The following ASPG variants were observed in gnomAD, a reference collection of about 807,000 sequenced individuals.
The protein encoded by ASPG is 60 kDa lysophospholipase.
Under a neutral mutation model 63.2 loss-of-function variants are expected in ASPG, and 53 were observed. That is an observed-to-expected ratio of 0.84 (90% CI 0.67 to 1.05). ASPG has a LOEUF of 1.05. Among genes scored for constraint, ASPG ranks in the 50% least tolerant of loss-of-function variants. ASPG has a pLI of 0.00. For synonymous variants in ASPG, 370 were observed against 355.0 expected (o/e 1.04, Z -0.48); for missense variants, 741 against 794.4 (o/e 0.93, Z 0.81).
chr14:104,098,820 G>A (rs1380494533), intron 5 of ASPG, 33 bp from the exon 6 acceptor site: 9 of 1,605,504 alleles, frequency 5.6e-6, no homozygotes, highest in East Asian at 2.2e-5. Context: ...CAGGGTGGCC[G>A]CTGCTCTGAA....
chr14:104,104,835 C>A, intron 9 of ASPG, 100 bp downstream of exon 9: 2 of 1,030,762 alleles, frequency 1.9e-6, no homozygotes, highest in Non-Finnish European at 1.4e-6. Flanking sequence ...AGCCTGGGGG[C>A]CGGTCCAGGG....
chr14:104,086,287 C>G (rs1596056619), intron 1 of ASPG, among the ~76,000 whole-genome samples: 2 of 152,166 alleles, frequency 1.3e-5, no homozygotes, highest in South Asian at 4.1e-4. Flanking sequence ...AGGAGGGTGT[C>G]CCCGTCCCCT....
chr14:104,110,641 G>T lies in ASPG; in HGVS notation c.1521-861G>T. ...AGTGAGGCCATCCAGCAGATTCGCT[G>T]CAGAGATTACCCAGTGCCACTGCAG... On this transcript the variant is annotated intron_variant, in intron 13 of 15. Transcript: ENST00000551177. The surrounding 1 kb of genome is among the most constrained non-coding windows in gnomAD (Gnocchi z 4.7). The T allele has an allele frequency of 1.0e-6, 1 of 985,348 alleles. No homozygotes were observed. The highest frequency in any genetic ancestry group is 1.2e-6 in the Non-Finnish European group (1 of 829,894). The allele number at this position is 985,348 out of a possible 1,614,324, so 61.0% of individuals were successfully genotyped here.
chr14:104,090,773 A>G (rs138834891), intron 1 of ASPG, among the ~76,000 whole-genome samples: 4 of 152,224 alleles, frequency 2.6e-5, no homozygotes, highest in African/African-American at 9.6e-5. Flanking sequence ...CTCCCGCCCC[A>G]TGACCCCTAA....
intron 7 of ASPG, 66 bp downstream of exon 7, chr14:104,103,741 C>T: frequency 7.3e-7 from 1 of 1,379,080 alleles, no homozygotes. Flanking sequence ...GCTCCCACGG[C>T]CCTCAGGCTC....
intron 5 of ASPG, 82 bp from the exon 6 acceptor site, chr14:104,098,771 G>A (rs1332347575): frequency 3.8e-6 from 6 of 1,569,326 alleles, no homozygotes; most frequent in Non-Finnish European, 4.3e-6. Flanking sequence ...GCACCTCATT[G>A]ATGGCAGGGA....
At chr14:104,096,601 G>A (rs1233873585) in intron 4 of ASPG, among the ~76,000 whole-genome samples, 1 of 152,218 alleles carries the variant, frequency 6.6e-6, no homozygotes, top group Non-Finnish European at 1.5e-5. Context: ...AGCCCTGGGG[G>A]AGCAGAACAT....
rs2141056014 is a variant in ASPG at position 104,109,363 on chromosome 14, G to A, written c.1520+48G>A. 1 of 1,542,806 alleles carries A rather than the reference G, an allele frequency of 6.5e-7. No individual in the cohort carries two copies. The highest frequency in any genetic ancestry group is 1.4e-5 in the African/African-American group (1 of 73,880). ...CTCTTCCAGGGATGTGGGGGACACAGCTTGGGGAAGCGAAGCCAGACCTGC... is the reference window on the plus strand; with the variant it reads ...CTCTTCCAGGGATGTGGGGGACACAACTTGGGGAAGCGAAGCCAGACCTGC... On this transcript the variant is annotated intron_variant, in intron 13 of 15. Transcript: ENST00000551177. This position sits in a 1 kb window ranked among gnomAD's most constrained non-coding sequence, Gnocchi z 4.8.
At chr14:104,096,902 C>A (rs1374206593) in intron 4 of ASPG, among the ~76,000 whole-genome samples, 1 of 152,208 alleles carries the variant, frequency 6.6e-6, no homozygotes, top group African/African-American at 2.4e-5. Flanking sequence ...TCCTGAAAAC[C>A]CTGGCCTCTG....
Position 104,111,172 on chromosome 14 carries a change from C to CGT in ASPG, c.1521-320_1521-319dup, listed in dbSNP as rs564356572. ...GCTCATGTGTGTGTGCACATATGCT[C>CGT]GTGTGTGTGTGCATGTGTAGGTGTG... On this transcript the variant is annotated intron_variant, in intron 13 of 15. Transcript: ENST00000551177. 1.9e-4 allele frequency: 191 copies of CGT among 985,068 alleles called. 2 individuals are homozygous for CGT. In the South Asian group the frequency reaches 8.0e-3, roughly 41 times the overall value. The allele number at this position is 985,068 out of a possible 1,614,324, so 61.0% of individuals were successfully genotyped here. A position where few individuals can be genotyped will look rare whatever the true frequency, so the allele number is the denominator to read the frequency against.
intron 1 of ASPG, among the ~76,000 whole-genome samples, chr14:104,086,591 G>A (rs2036227398): frequency 6.6e-6 from 1 of 152,100 alleles, no homozygotes; most frequent in African/African-American, 2.4e-5. Flanking sequence ...GGGAGAGGAC[G>A]GTTGCACTGG....
rs747200962 is a variant in ASPG, at chr14:104,104,290, C to T, written c.754-14C>T. On this transcript the variant is annotated splice_polypyrimidine_tract_variant and intron_variant, in intron 7 of 15. Coordinates refer to ENST00000551177, the MANE Select transcript of ASPG (RefSeq NM_001080464.3). ...AGACCCTCACCATCCAGCCCCCACC[C>T]CACCGCCCCACAGGTTCGGGCCTTC... 2.3e-5 allele frequency: 37 copies of T among 1,606,014 alleles called. No homozygotes were observed. The highest frequency in any genetic ancestry group is 2.3e-5 in the Non-Finnish European group (27 of 1,175,698).
chr14:104,113,040 G>A lies in ASPG; in HGVS notation c.*496G>A. On this transcript the variant is annotated 3_prime_UTR_variant, in exon 16 of 16. Transcript: ENST00000551177. The stretch of plus-strand genomic sequence containing the variant: ...CCCCCAGGCAGCCCTCCAACCCCTG[G>A]ATGAGCATGCTGCCCCTGCTTAACT... The A allele has an allele frequency of 4.6e-6, 1 of 217,250 alleles. No homozygotes were observed. The highest frequency in any genetic ancestry group is 5.3e-5 in the Admixed American group (1 of 18,894). 13.5% of individuals were successfully genotyped at this position (217,250 alleles called of 1,614,324 possible). A position where few individuals can be genotyped will look rare whatever the true frequency, so the allele number is the denominator to read the frequency against.
chr14:104,098,960 A>G lies in ASPG; in HGVS notation c.621A>G (p.Thr207=), dbSNP rs773233483. The change falls in exon 6 of 16, where the codon ACA becomes ACG. Residue 207 remains threonine (T), a synonymous_variant. Transcript: ENST00000551177. ...CCCCGAACCTGCTGCCTCTGGCCAC[A>G]GTGGGTGCTGACATCACAAGTAAGC... ...FCSPNLLPLA[T]VGADITINRE... is the part of the protein sequence containing the mutation. The G allele has an allele frequency of 2.5e-6, 4 of 1,598,672 alleles. No homozygotes were observed. The highest frequency in any genetic ancestry group is 3.4e-6 in the Non-Finnish European group (4 of 1,173,608).
Position 104,104,704 on chromosome 14 carries a change from A to G in ASPG, c.1019A>G (p.Gln340Arg). Residue 340 changes from glutamine to arginine, a missense_variant, in exon 9 of 16, where the codon CAG (glutamine) becomes CGG (arginine). Physicochemically the swap from Gln to Arg is conservative, Grantham distance 43. Transcript: ENST00000551177. ...ALAKLSYVLG[Q>R]PGLSLDVRKE... ...GCCAAGCTATCGTATGTGCTGGGCC[A>G]GCCAGGGCTGAGCCTGGATGTCAGG... The G allele has an allele frequency of 6.2e-7, 1 of 1,607,434 alleles. No homozygotes were observed. Among genetic ancestry groups the G allele is most frequent in the Non-Finnish European group, 8.5e-7 (1 of 1,176,226 alleles).
intron 9 of ASPG, 96 bp downstream of exon 9, chr14:104,104,831 G>C: frequency 9.3e-7 from 1 of 1,074,180 alleles, no homozygotes; most frequent in Non-Finnish European, 1.3e-6. Context: ...GAAGAGCCTG[G>C]GGGCCGGTCC....
chr14:104,105,037 C>T (rs2037061000), intron 9 of ASPG: 1 of 581,780 alleles, frequency 1.7e-6, no homozygotes, highest in Admixed American at 3.2e-5. Flanking sequence ...CTCCACTCTT[C>T]CTCGAGGGTG....
Position 104,104,307 on chromosome 14 carries a change from C to G in ASPG, c.757C>G (p.Arg253Gly), listed in dbSNP as rs776054502. ...CCCCCACCCCACCGCCCCACAGGTT[C>G]GGGCCTTCTTGCAGCCTCCCCTGAA... ...LYPGIPAALV[R>G]AFLQPPLKGV... Residue 253 changes from arginine to glycine, a missense_variant, in exon 8 of 16, where the codon CGG becomes GGG. Transcript: ENST00000551177. 5.0e-6 allele frequency: 8 copies of G among 1,610,500 alleles called. No homozygotes were observed. In the African/African-American group the frequency reaches 8.0e-5, roughly 16 times the overall value.
chr14:104,111,021 G>T, intron 13 of ASPG: 1 of 985,442 alleles, frequency 1.0e-6, no homozygotes, highest in Non-Finnish European at 1.2e-6. Context: ...GAACCACTGG[G>T]CTGCCTCAAA....
Sources: allele counts gnomAD v4.1 joint callset (sites outside exome capture counted in the v4.1 genomes callset), GRCh38; gene constraint gnomAD v4.1.1; non-coding constraint Gnocchi (gnomAD v3.1); transcripts MANE v1.5; gene names NCBI Gene and HGNC (gene_info 2026-07-23, HGNC 2026-07-21).